CUX2: variants seen among roughly 807,000 people sequenced by gnomAD.
CUX2 encodes homeobox protein cut-like 2.
Under a neutral mutation model 144.8 loss-of-function variants are expected in CUX2, and 40 were observed. That is an observed-to-expected ratio of 0.28 (90% confidence interval 0.21 to 0.36). The LOEUF is 0.36. Ranked by LOEUF, CUX2 falls within the 10% of genes least tolerant of loss-of-function variation. CUX2 has a pLI of 1.00. For missense variants in CUX2, 1,615 were observed against 1,994.0 expected, an observed-to-expected ratio of 0.81 and a Z score of 3.62; for synonymous variants, 827 against 875.6, an observed-to-expected ratio of 0.94 and a Z score of 0.98.
At chr12:111,122,169 CTTTAA>C in intron 1 of CUX2, among the ~76,000 whole-genome samples, 1 of 152,318 alleles carries the variant, frequency 6.6e-6, no homozygotes, top group South Asian at 2.1e-4. Context: ...TAATCCTCAA[CTTTAA>C]TTTAAAGAAA....
Position 111,121,438 on chromosome 12 carries a change from G to A in CUX2, c.63+87198G>A, listed in dbSNP as rs568132026. On this transcript the variant is annotated intron_variant, in intron 1 of 21. Coordinates refer to ENST00000261726, the MANE Select transcript of CUX2 (RefSeq NM_015267.4). The stretch of plus-strand genomic sequence containing the variant: ...ATCGCCCAAGCTGGAGGGCTATGGC[G>A]CGATCTTGACTCACTGCAACCTCCG... Among the ~76,000 whole-genome samples, 12 of 126,090 alleles carry A rather than the reference G, an allele frequency of 9.5e-5. No homozygotes were observed. In the East Asian group the frequency reaches 1.9e-3, roughly 20 times the overall value. The allele number at this position is 126,090 out of a possible 152,430, so 82.7% of individuals were successfully genotyped here. A position where few individuals can be genotyped will look rare whatever the true frequency, so the allele number is the denominator to read the frequency against.
rs372425335 is a variant in CUX2, at chr12:111,200,158, G to A, written c.64-14042G>A. 2.6e-5 allele frequency among the ~76,000 whole-genome samples: 4 copies of A among 152,084 alleles called. No individual in the cohort carries two copies. The East Asian group carries it at 7.7e-4, about 29-fold the overall frequency. ...GGGAGAGGAGAGGACACCCCCTCTT[G>A]CAGCAAGGATCCGAGCCCTGTCTTT... On this transcript the variant is annotated intron_variant, in intron 1 of 21. Coordinates refer to ENST00000261726, the MANE Select transcript of CUX2 (RefSeq NM_015267.4).
At chr12:111,305,006 G>A (rs371665549) in intron 10 of CUX2, among the ~76,000 whole-genome samples, 25 of 152,150 alleles carry the variant, frequency 1.6e-4, no homozygotes, top group Admixed American at 1.4e-3. Flanking sequence ...GCCAGTCTTC[G>A]GTGATCAACC....
intron 1 of CUX2, among the ~76,000 whole-genome samples, chr12:111,136,923 C>T (rs570509133): frequency 4.0e-5 from 6 of 151,330 alleles, no homozygotes; most frequent in African/African-American, 9.7e-5. Context: ...TCTAAGAATC[C>T]GCTGTTTATT....
intron 1 of CUX2, among the ~76,000 whole-genome samples, chr12:111,164,737 T>C (rs1402381457): frequency 2.6e-5 from 4 of 151,996 alleles, no homozygotes; most frequent in Non-Finnish European, 4.4e-5. Flanking sequence ...CACAGAGGAA[T>C]GTTAGGGGTC....
At chr12:111,112,182 C>A (rs972573242) in intron 1 of CUX2, among the ~76,000 whole-genome samples, 1 of 152,012 alleles carries the variant, frequency 6.6e-6, no homozygotes, top group African/African-American at 2.4e-5. Context: ...CCCATGTCAA[C>A]GGGGAGGTGA....
intron 1 of CUX2, among the ~76,000 whole-genome samples, chr12:111,082,314 G>A (rs1411097686): frequency 2.0e-5 from 3 of 152,116 alleles, no homozygotes; most frequent in Non-Finnish European, 1.5e-5. Flanking sequence ...TATATTGGAA[G>A]GAATATGATA....
chr12:111,345,628 G>T (rs1296430742), intron 21 of CUX2, among the ~76,000 whole-genome samples: 2 of 151,588 alleles, frequency 1.3e-5, no homozygotes, highest in Non-Finnish European at 2.9e-5. Flanking sequence ...TGTAGTCCCA[G>T]CTACTCGGGA....
At chr12:111,227,287 T>C (rs1882203624) in intron 3 of CUX2, among the ~76,000 whole-genome samples, 1 of 152,154 alleles carries the variant, frequency 6.6e-6, no homozygotes. Context: ...TCCTCATTCA[T>C]CTGGAGCCTG....
chr12:111,087,705 T>G (rs1395207816), intron 1 of CUX2, among the ~76,000 whole-genome samples: 1 of 152,246 alleles, frequency 6.6e-6, no homozygotes. Context: ...TGCTGTCTCC[T>G]CAGTGCCTAG....
chr12:111,166,442 G>A (rs763865814), intron 1 of CUX2, among the ~76,000 whole-genome samples: 5 of 152,216 alleles, frequency 3.3e-5, no homozygotes, highest in Non-Finnish European at 7.3e-5. Context: ...ACCGTAGATG[G>A]TAATACCCAA....
At position 111,034,256 on chromosome 12, in the gene CUX2, G is replaced by T; in HGVS notation, c.63+16G>T. On this transcript the variant is annotated intron_variant, in intron 1 of 21. Transcript: ENST00000261726. The surrounding 1 kb of genome is among the most constrained non-coding windows in gnomAD (Gnocchi z 4.2). ...GCGACTCCAGGTTAGTGCGGGCAGC[G>T]CCGGCCGCGCGGCCGTGAGGAGCCC... 7.5e-7 allele frequency: 1 copy of T among 1,341,612 alleles called. No homozygotes were observed. The highest frequency in any genetic ancestry group is 9.9e-7 in the Non-Finnish European group (1 of 1,014,560). 83.1% of individuals were successfully genotyped at this position (1,341,612 alleles called of 1,614,324 possible). A position where few individuals can be genotyped will look rare whatever the true frequency, so the allele number is the denominator to read the frequency against.
chr12:111,212,665 A>G (rs576567565), intron 1 of CUX2, among the ~76,000 whole-genome samples: 1 of 152,348 alleles, frequency 6.6e-6, no homozygotes, highest in East Asian at 1.9e-4. Context: ...TTTCAAAGCT[A>G]CTTTGGTGCC....
intron 3 of CUX2, among the ~76,000 whole-genome samples, chr12:111,256,370 T>C (rs958521801): frequency 6.6e-6 from 1 of 152,154 alleles, no homozygotes; most frequent in East Asian, 1.9e-4. Context: ...CCCCGATCTC[T>C]GGGTTGCCTT....
intron 20 of CUX2, among the ~76,000 whole-genome samples, chr12:111,340,795 G>A (rs1221117588): frequency 1.3e-5 from 2 of 152,124 alleles, no homozygotes; most frequent in African/African-American, 4.8e-5. Context: ...CTTATTTAAG[G>A]GGGTTTTTAC....
At chr12:111,176,865 T>G (rs1385107138) in intron 1 of CUX2, among the ~76,000 whole-genome samples, 4 of 152,186 alleles carry the variant, frequency 2.6e-5, no homozygotes, top group Non-Finnish European at 2.9e-5. Flanking sequence ...GCAGGTCCTT[T>G]GAGATCCAGT....
chr12:111,161,837 C>T lies in CUX2; in HGVS notation c.64-52363C>T, dbSNP rs144431551. Among the ~76,000 whole-genome samples the T allele has an allele frequency of 9.8e-3, 1,500 of 152,346 alleles. 11 individuals carry two copies. The highest frequency in any genetic ancestry group is 0.031 in the Middle Eastern group (9 of 294). On this transcript the variant is annotated intron_variant, in intron 1 of 21. Coordinates refer to ENST00000261726, the MANE Select transcript of CUX2 (RefSeq NM_015267.4). ...GTAGCCTCAACCTTCCAGGCTCAAG[C>T]AGTCCTCCCACTTCAGCCTCTCAAG...
chr12:111,059,173 C>T lies in CUX2; in HGVS notation c.63+24933C>T, dbSNP rs1181322819. Among the ~76,000 whole-genome samples, 1 of 152,156 alleles carries T rather than the reference C, an allele frequency of 6.6e-6. No individual in the cohort carries two copies. Among genetic ancestry groups the T allele is most frequent in the African/African-American group, 2.4e-5 (1 of 41,430 alleles). On this transcript the variant is annotated intron_variant, in intron 1 of 21. Transcript: ENST00000261726. This position sits in a 1 kb window ranked among gnomAD's most constrained non-coding sequence, Gnocchi z 5.3. Reference sequence around the variant, plus strand: ...TTCCAGCCCTCACTCAAAATGGAGTCGCTCTGGTTCAAATGTCTCTGACAG... The same window carrying T: ...TTCCAGCCCTCACTCAAAATGGAGTTGCTCTGGTTCAAATGTCTCTGACAG...
At chr12:111,062,728 T>A (rs1158199168) in intron 1 of CUX2, among the ~76,000 whole-genome samples, 2 of 152,182 alleles carry the variant, frequency 1.3e-5, no homozygotes, top group African/African-American at 2.4e-5. Context: ...GAGCTAGGAA[T>A]GATGAGACCA....
Sources: allele counts gnomAD v4.1 joint callset (sites outside exome capture counted in the v4.1 genomes callset), GRCh38; gene constraint gnomAD v4.1.1; non-coding constraint Gnocchi (gnomAD v3.1); transcripts MANE v1.5; gene names NCBI Gene and HGNC (gene_info 2026-07-23, HGNC 2026-07-21).